DRC4: variants seen among roughly 807,000 people sequenced by gnomAD.
DRC4 encodes the protein dynein regulatory complex subunit 4, also known as GAS-11.
the DRC4 span, among the ~76,000 whole-genome samples, chr16:90,041,541 C>T: frequency 6.6e-6 from 1 of 152,198 alleles, no homozygotes; most frequent in Non-Finnish European, 1.5e-5. Context: ...CGCGGTGGCT[C>T]ACGCCTGTAA....
chr16:90,035,613 G>A, the DRC4 span: 1 of 1,614,150 alleles, frequency 6.2e-7, no homozygotes, highest in Non-Finnish European at 8.5e-7. Context: ...GTGTAGTAAT[G>A]GCCGCTTCTC....
the DRC4 span, chr16:90,035,940 A>T: frequency 7.1e-7 from 1 of 1,411,986 alleles, no homozygotes. Flanking sequence ...ATCAGTAGTT[A>T]TCAGCAGGTG....
the DRC4 span, among the ~76,000 whole-genome samples, chr16:90,026,980 T>C: frequency 0.14 from 21,609 of 151,782 alleles, 2,536 homozygotes; most frequent in East Asian, 0.62. Context: ...TGGTGGGATC[T>C]TGGCTCACTG....
At chr16:90,039,332 A>G in the DRC4 span, among the ~76,000 whole-genome samples, 89,108 of 151,976 alleles carry the variant, frequency 0.59, 27,786 homozygotes, top group East Asian at 0.98. Context: ...GCTCAAATTT[A>G]TCAGCAAAAT....
the DRC4 span, chr16:90,032,876 C>T: frequency 1.2e-6 from 2 of 1,613,852 alleles, no homozygotes; most frequent in African/African-American, 1.3e-5. Flanking sequence ...AGGTGGAGCT[C>T]AAGGAGCAGG....
the DRC4 span, among the ~76,000 whole-genome samples, chr16:90,039,150 G>A: frequency 6.6e-6 from 1 of 152,184 alleles, no homozygotes; most frequent in Non-Finnish European, 1.5e-5. Flanking sequence ...GAGGACTGCT[G>A]TGTTAGACAA....
chr16:90,035,695 T>G, the DRC4 span: 1 of 1,614,136 alleles, frequency 6.2e-7, no homozygotes, highest in South Asian at 1.1e-5. Flanking sequence ...GAGGTCAGTT[T>G]CCCGTGTGCT....
the DRC4 span, among the ~76,000 whole-genome samples, chr16:90,030,507 ATTT>A: frequency 3.4e-5 from 4 of 118,962 alleles, no homozygotes; most frequent in Admixed American, 1.7e-4. Flanking sequence ...CTCCTGGCTA[ATTT>A]TTTTTTTTTT....
chr16:90,043,666 C>T, the DRC4 span: 4 of 545,928 alleles, frequency 7.3e-6, no homozygotes, highest in Non-Finnish European at 1.4e-5. Context: ...TGGGGCAGTG[C>T]CGCGCTGTGC....
the DRC4 span, chr16:90,020,236 G>A: frequency 2.3e-6 from 1 of 442,818 alleles, no homozygotes; most frequent in Non-Finnish European, 4.0e-6. Flanking sequence ...CAGCCCTTTG[G>A]GAGGCTGAGG....
the DRC4 span, chr16:90,029,324 C>G: frequency 1.5e-6 from 2 of 1,362,314 alleles, no homozygotes; most frequent in Admixed American, 3.8e-5. Flanking sequence ...TCCTGCCCCG[C>G]AGCAGAGGAC....
At chr16:90,028,173 A>ATTCTTTTTTTTTT in the DRC4 span, among the ~76,000 whole-genome samples, 1 of 63,836 alleles carries the variant, frequency 1.6e-5, no homozygotes, top group African/African-American at 6.8e-5. Context: ...TTAATCGTTC[A>ATTCTTTTTTTTTT]TTTTTTTTTT....
At chr16:90,043,812 C>T in the DRC4 span, 1 of 468,580 alleles carries the variant, frequency 2.1e-6, no homozygotes, top group Non-Finnish European at 4.4e-6. Flanking sequence ...AAGTGGTGAG[C>T]CAATGCTCCC....
At chr16:90,036,678 C>T in the DRC4 span, 2 of 1,054,856 alleles carry the variant, frequency 1.9e-6, no homozygotes, top group Non-Finnish European at 2.9e-6. Context: ...CAGCTCTCCA[C>T]CCCAACACAC....
chr16:90,027,612 C>A, the DRC4 span: 54 of 1,611,488 alleles, frequency 3.4e-5, no homozygotes, highest in Non-Finnish European at 4.2e-5. Flanking sequence ...TAGAGTCTCT[C>A]TTACCCCATT....
the DRC4 span, among the ~76,000 whole-genome samples, chr16:90,034,357 C>T: frequency 3.9e-5 from 6 of 152,184 alleles, no homozygotes; most frequent in Non-Finnish European, 7.3e-5. Context: ...GGTGCGGTGG[C>T]TCACGCCTGT....
the DRC4 span, chr16:90,044,183 G>C: frequency 1.1e-5 from 5 of 454,734 alleles, no homozygotes; most frequent in Admixed American, 1.2e-4. Flanking sequence ...AGTGTGGGGT[G>C]AGGCAGTGAG....
chr16:90,034,004 C>T, the DRC4 span, among the ~76,000 whole-genome samples: 63 of 151,766 alleles, frequency 4.2e-4, no homozygotes, highest in African/African-American at 1.5e-3. Context: ...GGAGACGGGT[C>T]AGAGCTCGTC....
chr16:90,026,517 A>C, the DRC4 span, among the ~76,000 whole-genome samples: 2 of 152,088 alleles, frequency 1.3e-5, no homozygotes, highest in African/African-American at 2.4e-5. Flanking sequence ...ATTTCTCCCT[A>C]AGCTTACTGA....
Sources: allele counts gnomAD v4.1 joint callset (sites outside exome capture counted in the v4.1 genomes callset), GRCh38; gene constraint gnomAD v4.1.1; transcripts MANE v1.5; gene names NCBI Gene and HGNC (gene_info 2026-07-23, HGNC 2026-07-21).